Variants in DPP10 observed in about 807,000 individuals in gnomAD.
DPP10 encodes inactive dipeptidyl peptidase 10.
In DPP10, 33 loss-of-function variants were observed where a neutral mutation model predicts 120.9. The ratio of observed to expected loss-of-function variants is 0.27; its 90% CI spans 0.21 to 0.37. The LOEUF is 0.37. Ranked by LOEUF, DPP10 falls within the 10% of genes least tolerant of loss-of-function variation. The probability of loss-of-function intolerance (pLI) is 1.00; values close to 1 mark genes in which losing one functional copy is unlikely to be tolerated. For synonymous variants in DPP10, 337 were observed against 326.1 expected, an observed-to-expected ratio of 1.03 and a Z score of -0.36; for missense variants, 816 against 942.8, an observed-to-expected ratio of 0.87 and a Z score of 1.76.
intron 24 of DPP10, 133 bp from the exon 25 acceptor site, chr2:115,840,617 C>A (rs960078836): frequency 2.2e-6 from 2 of 898,820 alleles, no homozygotes; most frequent in Admixed American, 5.0e-5. Flanking sequence ...AGCCACCGTG[C>A]CCAGCCAGAT....
intron 1 of DPP10, among the ~76,000 whole-genome samples, chr2:114,443,168 C>A (rs577795059): frequency 6.6e-6 from 1 of 152,012 alleles, no homozygotes; most frequent in African/African-American, 2.4e-5. Context: ...GAAGAATTTG[C>A]AAACTGCTAG....
intron 3 of DPP10, among the ~76,000 whole-genome samples, chr2:115,489,964 A>G (rs1459690052): frequency 6.6e-6 from 1 of 152,138 alleles, no homozygotes; most frequent in African/African-American, 2.4e-5. Flanking sequence ...TCTTGATTCA[A>G]GCATTTATTT....
chr2:115,362,576 G>A (rs1279929311), intron 3 of DPP10, among the ~76,000 whole-genome samples: 1 of 152,124 alleles, frequency 6.6e-6, no homozygotes, highest in Non-Finnish European at 1.5e-5. Context: ...TTCTGCTAAT[G>A]TTTTAGAGAG....
At position 115,647,645 on chromosome 2, in the gene DPP10, A is replaced by G. The variant is rs558944787; in HGVS notation, c.442-42042A>G. Among the ~76,000 whole-genome samples, 3 of 152,230 alleles carry G rather than the reference A, an allele frequency of 2.0e-5. No individual in the cohort carries two copies. The South Asian group carries it at 6.2e-4, about 32-fold the overall frequency. ...CCTGATACTGGGTAATTTATATAAAACAGAAATTAATTTTTCACAGTTCTG... is the reference window on the plus strand; with the variant it reads ...CCTGATACTGGGTAATTTATATAAAGCAGAAATTAATTTTTCACAGTTCTG... On this transcript the variant is annotated intron_variant, in intron 5 of 25. Transcript: ENST00000410059.
At chr2:115,729,377 C>G (rs761981812) in intron 8 of DPP10, among the ~76,000 whole-genome samples, 1 of 152,128 alleles carries the variant, frequency 6.6e-6, no homozygotes, top group Non-Finnish European at 1.5e-5. Flanking sequence ...CATGTTAATG[C>G]AGTGTGGTAA....
intron 2 of DPP10, among the ~76,000 whole-genome samples, chr2:115,312,132 A>G (rs898244785): frequency 6.6e-5 from 10 of 152,308 alleles, no homozygotes; most frequent in East Asian, 1.9e-4. Context: ...GGATTTCACT[A>G]TTATTATTGG....
At chr2:114,541,777 T>C (rs1197717597) in intron 1 of DPP10, among the ~76,000 whole-genome samples, 1 of 152,162 alleles carries the variant, frequency 6.6e-6, no homozygotes, top group Non-Finnish European at 1.5e-5. Flanking sequence ...CAAAACATGC[T>C]TATGCCATAT....
intron 1 of DPP10, among the ~76,000 whole-genome samples, chr2:114,710,125 A>G (rs1347501901): frequency 6.6e-6 from 1 of 152,248 alleles, no homozygotes; most frequent in Non-Finnish European, 1.5e-5. Context: ...GATGTTGACA[A>G]ACTACTAAGG....
chr2:115,555,914 G>T (rs1360079534), intron 5 of DPP10, among the ~76,000 whole-genome samples: 2 of 152,034 alleles, frequency 1.3e-5, no homozygotes, highest in African/African-American at 2.4e-5. Context: ...ATATTTCTCT[G>T]TAACTTCTAG....
At chr2:115,004,560 C>T (rs559446694) in intron 1 of DPP10, among the ~76,000 whole-genome samples, 153 of 152,282 alleles carry the variant, frequency 1.0e-3, no homozygotes, top group African/African-American at 3.3e-3. Context: ...ACTCGGGAAG[C>T]GCAAGGGGTC....
At chr2:115,241,341 C>T (rs2058269568) in intron 1 of DPP10, among the ~76,000 whole-genome samples, 1 of 152,162 alleles carries the variant, frequency 6.6e-6, no homozygotes, top group African/African-American at 2.4e-5. Context: ...CATGTTTAAA[C>T]AGTTTGCTAG....
At chr2:114,718,711 G>A (rs1411795747) in intron 1 of DPP10, among the ~76,000 whole-genome samples, 1 of 152,146 alleles carries the variant, frequency 6.6e-6, no homozygotes, top group Non-Finnish European at 1.5e-5. Context: ...CCAGCCTCAG[G>A]TTGTAATCAG....
chr2:114,868,848 G>A (rs1033349387), intron 1 of DPP10, among the ~76,000 whole-genome samples: 1 of 152,146 alleles, frequency 6.6e-6, no homozygotes, highest in Non-Finnish European at 1.5e-5. Context: ...ATGAGTTTTA[G>A]GGTCAACCAG....
intron 13 of DPP10, among the ~76,000 whole-genome samples, chr2:115,774,209 T>C (rs62156289): frequency 1.1e-4 from 16 of 147,634 alleles, no homozygotes; most frequent in African/African-American, 3.5e-4. Context: ...AAAACACACA[T>C]ACACACACAC....
chr2:114,459,165 G>A (rs1678734220), intron 1 of DPP10, among the ~76,000 whole-genome samples: 1 of 152,176 alleles, frequency 6.6e-6, no homozygotes, highest in African/African-American at 2.4e-5. Flanking sequence ...TGAAGATATT[G>A]GGTTTGTCAT....
chr2:115,696,432 C>T (rs1480887948), intron 7 of DPP10, among the ~76,000 whole-genome samples: 1 of 152,186 alleles, frequency 6.6e-6, no homozygotes, highest in Non-Finnish European at 1.5e-5. Flanking sequence ...AGCCACAAGA[C>T]AGTGGGCTGA....
intron 3 of DPP10, chr2:115,468,185 GATGGC>G: frequency 2.0e-6 from 1 of 493,102 alleles, no homozygotes; most frequent in Middle Eastern, 3.7e-4. Flanking sequence ...AAGGAAAAGT[GATGGC>G]ATCTATATCC....
chr2:115,698,835 C>T (rs1347735995), intron 7 of DPP10, among the ~76,000 whole-genome samples: 2 of 151,172 alleles, frequency 1.3e-5, no homozygotes, highest in East Asian at 3.9e-4. Context: ...CATTAGAAAA[C>T]AAAAAAAGAT....
At chr2:115,257,615 G>A (rs1001413048) in intron 1 of DPP10, among the ~76,000 whole-genome samples, 2 of 152,194 alleles carry the variant, frequency 1.3e-5, no homozygotes, top group African/African-American at 2.4e-5. Context: ...CACTGGGGAT[G>A]ATATCTGAGC....
Sources: gnomAD v4.1 joint callset for allele counts (sites outside exome capture counted in the v4.1 genomes callset) on GRCh38, gnomAD v4.1.1 for gene constraint, MANE v1.5 for transcripts, NCBI Gene and HGNC (gene_info 2026-07-23, HGNC 2026-07-21) for gene names.